Variants in MATN2 observed in about 807,000 individuals in gnomAD.
MATN2 encodes matrilin-2.
In MATN2, 69 loss-of-function variants were observed where a neutral mutation model predicts 103.2. The observed-to-expected ratio is 0.67, with a 90% CI of 0.55 to 0.82. The LOEUF is 0.82. Ranked by LOEUF, MATN2 falls within the 40% of genes least tolerant of loss-of-function variation. MATN2 has a pLI of 0.00. For missense variants in MATN2, 1,023 were observed against 1,211.5 expected (o/e 0.84, Z 2.31); for synonymous variants, 429 against 450.2 (o/e 0.95, Z 0.60).
chr8:97,905,552 G>C (rs1819139101), intron 2 of MATN2, among the ~76,000 whole-genome samples: 1 of 152,126 alleles, frequency 6.6e-6, no homozygotes, highest in Non-Finnish European at 1.5e-5. Flanking sequence ...GCATGTATCA[G>C]AACTTCATTC....
chr8:97,882,468 C>T (rs1048201243), intron 1 of MATN2, among the ~76,000 whole-genome samples: 13 of 152,078 alleles, frequency 8.5e-5, no homozygotes, highest in African/African-American at 2.9e-4. Flanking sequence ...TCATGGCTCA[C>T]TGCAGCTTTG....
intron 2 of MATN2, among the ~76,000 whole-genome samples, chr8:97,890,760 T>C (rs1818601421): frequency 6.6e-6 from 1 of 152,240 alleles, no homozygotes; most frequent in African/African-American, 2.4e-5. Context: ...CAAATCATTT[T>C]GGCTGAAGTT....
chr8:97,894,994 T>C (rs1818762135), intron 2 of MATN2, among the ~76,000 whole-genome samples: 1 of 152,094 alleles, frequency 6.6e-6, no homozygotes, highest in Non-Finnish European at 1.5e-5. Context: ...TGCCTTGGCC[T>C]CCTGAGTAGC....
Position 98,016,579 on chromosome 8 carries a change from ATTC to A in MATN2, c.1614_1616del (p.His538_Ser539delinsGln), listed in dbSNP as rs747119990. The A allele has an allele frequency of 2.2e-5, 35 of 1,611,414 alleles. No individual in the cohort carries two copies. Among genetic ancestry groups the A allele is most frequent in the Non-Finnish European group, 2.8e-5 (33 of 1,178,674 alleles). On this transcript the variant is annotated inframe_deletion, in exon 11 of 19. Transcript: ENST00000254898. The stretch of plus-strand genomic sequence containing the variant: ...GCTCTGGGGGACCACGGTTGTGAAC[ATTC>A]GTGTGTAAGCAGTGAAGATTCGTTT...
rs1428202198 is a variant in MATN2 at position 98,005,530 on chromosome 8, GA to G, written c.1328-1573del. The stretch of plus-strand genomic sequence containing the variant: ...CTTCCGGGGGCCAGAAGAGCTCTAA[GA>G]ACGGACCACAAGAGATCGGGACCCT... On this transcript the variant is annotated intron_variant, in intron 8 of 18. Transcript: ENST00000254898. This position sits in a 1 kb window ranked among gnomAD's most constrained non-coding sequence, Gnocchi z 4.6. Among the ~76,000 whole-genome samples the G allele has an allele frequency of 6.6e-6, 1 of 152,166 alleles. No homozygotes were observed. The highest frequency in any genetic ancestry group is 1.9e-4 in the East Asian group (1 of 5,192).
intron 7 of MATN2, among the ~76,000 whole-genome samples, chr8:98,003,226 G>A (rs1056111851): frequency 5.3e-5 from 8 of 152,192 alleles, no homozygotes; most frequent in African/African-American, 1.9e-4. Flanking sequence ...TCACCCTCAG[G>A]TGTTTGCGTT....
chr8:97,923,459 TC>T (rs771220356), intron 2 of MATN2, among the ~76,000 whole-genome samples: 7 of 152,314 alleles, frequency 4.6e-5, no homozygotes, highest in African/African-American at 7.2e-5. Context: ...TCCACATGAA[TC>T]ATGAATCATC....
chr8:97,956,830 G>T (rs1179127382), intron 4 of MATN2, among the ~76,000 whole-genome samples: 2 of 152,154 alleles, frequency 1.3e-5, no homozygotes, highest in Non-Finnish European at 2.9e-5. Flanking sequence ...TCCCATCTCA[G>T]TCATCTTCTG....
chr8:97,938,915 C>T (rs1810464789), intron 3 of MATN2, among the ~76,000 whole-genome samples: 1 of 152,102 alleles, frequency 6.6e-6, no homozygotes. Context: ...CAGAGTCTCG[C>T]TGTGTCTGCA....
chr8:97,905,338 T>G (rs1214480316), intron 2 of MATN2, among the ~76,000 whole-genome samples: 1 of 152,194 alleles, frequency 6.6e-6, no homozygotes, highest in East Asian at 1.9e-4. Context: ...CCAGAGCTTT[T>G]CATCATCCCA....
chr8:98,027,690 A>T lies in MATN2; in HGVS notation c.2217A>T (p.Lys739Asn). ...GCTCTATGACTGGGCTGGCCCTGAA[A>T]CACATGTTTGAGAGAAGTTTTACCC... Reference protein sequence around the residue: ...GKGSMTGLALKHMFERSFTQG... With the variant: ...GKGSMTGLALNHMFERSFTQG... The change falls in exon 14 of 19, where the codon AAA (lysine) becomes AAT (asparagine). Residue 739 changes from lysine to asparagine, a missense_variant. Coordinates refer to ENST00000254898, the MANE Select transcript of MATN2 (RefSeq NM_002380.5). 1 of 1,613,984 alleles carries T rather than the reference A, an allele frequency of 6.2e-7. No homozygotes were observed. Among genetic ancestry groups the T allele is most frequent in the Non-Finnish European group, 8.5e-7 (1 of 1,179,872 alleles).
chr8:97,923,565 C>T (rs114096574), intron 2 of MATN2, among the ~76,000 whole-genome samples: 23 of 150,988 alleles, frequency 1.5e-4, no homozygotes, highest in Admixed American at 1.1e-3. Flanking sequence ...CTCTGTCTCT[C>T]TTTTTTTTGA....
At position 97,982,397 on chromosome 8, in the gene MATN2, C is replaced by T. The variant is rs1328359482; in HGVS notation, c.1081+3389C>T. ...GCCTCCCACCAGCTTCCAGCCAAGT[C>T]GGCCTGGTTACTGCTGTGATGTTGA... is the stretch of plus-strand genomic sequence containing the variant. On this transcript the variant is annotated intron_variant, in intron 6 of 18. Coordinates refer to ENST00000254898, the MANE Select transcript of MATN2 (RefSeq NM_002380.5). The surrounding 1 kb of genome is among the most constrained non-coding windows in gnomAD (Gnocchi z 4.3). 6.6e-6 allele frequency among the ~76,000 whole-genome samples: 1 copy of T among 152,168 alleles called. No homozygotes were observed. The highest frequency in any genetic ancestry group is 2.4e-5 in the African/African-American group (1 of 41,442).
intron 3 of MATN2, among the ~76,000 whole-genome samples, chr8:97,935,598 G>T (rs1035340765): frequency 6.6e-6 from 1 of 152,040 alleles, no homozygotes. Flanking sequence ...GCTCACTACC[G>T]CCTCAAAGTT....
At position 98,007,187 on chromosome 8, in the gene MATN2, A is replaced by T; in HGVS notation, c.1410A>T (p.Ser470=). Residue 470 remains serine, a synonymous_variant, in exon 9 of 19, where the codon TCA becomes TCT. Coordinates refer to ENST00000254898, the MANE Select transcript of MATN2 (RefSeq NM_002380.5). The surrounding 1 kb of genome is among the most constrained non-coding windows in gnomAD (Gnocchi z 4.2). ...AGGATTCCTTCGTCTGCCAGTGCTC[A>T]GAAGGCTTCCTCATCAACGAGGACC... The part of the protein sequence containing the change: ...NTEDSFVCQC[S]EGFLINEDLK... The T allele has an allele frequency of 6.2e-7, 1 of 1,613,972 alleles. No individual in the cohort carries two copies. Among genetic ancestry groups the T allele is most frequent in the Non-Finnish European group, 8.5e-7 (1 of 1,179,880 alleles).
intron 5 of MATN2, 85 bp downstream of exon 5, chr8:97,961,615 A>G (rs1470454348): frequency 9.4e-6 from 13 of 1,376,638 alleles, no homozygotes; most frequent in Non-Finnish European, 1.2e-5. Flanking sequence ...TACCTCCCAC[A>G]TATTTGTTTC....
intron 4 of MATN2, among the ~76,000 whole-genome samples, chr8:97,947,042 C>T (rs1810774408): frequency 6.6e-6 from 1 of 152,206 alleles, no homozygotes; most frequent in African/African-American, 2.4e-5. Context: ...TCCAAGAATG[C>T]AAGTTTGGTT....
intron 2 of MATN2, among the ~76,000 whole-genome samples, chr8:97,926,163 C>T (rs1242389816): frequency 1.3e-5 from 2 of 152,084 alleles, no homozygotes; most frequent in Non-Finnish European, 2.9e-5. Context: ...TCCAGATCAT[C>T]ACTTTATGGT....
intron 5 of MATN2, among the ~76,000 whole-genome samples, chr8:97,970,829 T>C (rs1811631407): frequency 6.6e-6 from 1 of 152,088 alleles, no homozygotes; most frequent in South Asian, 2.1e-4. Flanking sequence ...CCAACACCTG[T>C]AGTCCCAGCT....
Sources: allele counts gnomAD v4.1 joint callset (sites outside exome capture counted in the v4.1 genomes callset), GRCh38; gene constraint gnomAD v4.1.1; non-coding constraint Gnocchi (gnomAD v3.1); transcripts MANE v1.5; gene names NCBI Gene and HGNC (gene_info 2026-07-23, HGNC 2026-07-21).